The following IL1RAP variants were observed in gnomAD, a reference collection of about 807,000 sequenced individuals.
The protein encoded by IL1RAP is interleukin-1 receptor accessory protein.
A neutral mutation model predicts 60.7 loss-of-function variants in IL1RAP; 35 were observed. The ratio of observed to expected loss-of-function variants is 0.58; its 90% CI spans 0.44 to 0.76. The LOEUF is 0.76. IL1RAP is among the 30% of genes least tolerant of loss of function. IL1RAP has a pLI of 0.00. For missense variants in IL1RAP, 572 were observed against 693.9 expected, an observed-to-expected ratio of 0.82 and a Z score of 1.97; for synonymous variants, 268 against 250.9, an observed-to-expected ratio of 1.07 and a Z score of -0.64.
At chr3:190,604,795 CT>C (rs1730158896) in intron 4 of IL1RAP, among the ~76,000 whole-genome samples, 2 of 152,258 alleles carry the variant, frequency 1.3e-5, no homozygotes, top group Admixed American at 1.3e-4. Context: ...TTCTTGGCAT[CT>C]TTCAAAGTAC....
chr3:190,619,840 A>T, intron 5 of IL1RAP, among the ~76,000 whole-genome samples: 1 of 152,178 alleles, frequency 6.6e-6, no homozygotes, highest in East Asian at 1.9e-4. Context: ...TGGGGCCTAG[A>T]TTATCAGACG....
intron 3 of IL1RAP, among the ~76,000 whole-genome samples, chr3:190,568,139 C>T (rs538768780): frequency 9.8e-5 from 15 of 152,328 alleles, no homozygotes; most frequent in African/African-American, 3.1e-4. Flanking sequence ...AATGCAGGCA[C>T]ACACACGGAT....
In IL1RAP at chr3:190,639,808, G is replaced by T. The variant is rs140193661; in HGVS notation, c.1052-4440G>T. 3.2e-3 allele frequency among the ~76,000 whole-genome samples: 493 copies of T among 152,276 alleles called. 2 individuals are homozygous for T. Among genetic ancestry groups the T allele is most frequent in the African/African-American group, 0.011 (472 of 41,556 alleles). On this transcript the variant is annotated intron_variant, in intron 9 of 11. Coordinates refer to ENST00000447382, the MANE Select transcript of IL1RAP (RefSeq NM_002182.4). ...AAGCATCTTATCTTTGTTAAAGCAG[G>T]TCTAAAATAGCCTTTTCTGTAAGGT...
chr3:190,640,408 C>T (rs186848205), intron 9 of IL1RAP, among the ~76,000 whole-genome samples: 5 of 152,194 alleles, frequency 3.3e-5, no homozygotes, highest in Admixed American at 2.6e-4. Flanking sequence ...TTTTAACACA[C>T]TATAATAGCC....
chr3:190,528,108 C>T (rs1011324950), intron 1 of IL1RAP, among the ~76,000 whole-genome samples: 2 of 152,092 alleles, frequency 1.3e-5, no homozygotes, highest in Non-Finnish European at 2.9e-5. Flanking sequence ...TTATGCAGCA[C>T]AGCTAATTGG....
At chr3:190,522,289 GCTTC>G (rs72459878) in intron 1 of IL1RAP, among the ~76,000 whole-genome samples, 24,061 of 135,208 alleles carry the variant, frequency 0.18, 2,475 homozygotes, top group Middle Eastern at 0.33. Context: ...GCCTTCCTTT[GCTTC>G]CTTCCTTCCT....
At chr3:190,612,245 G>C (rs769283317) in intron 5 of IL1RAP, among the ~76,000 whole-genome samples, 1 of 151,634 alleles carries the variant, frequency 6.6e-6, no homozygotes, top group Non-Finnish European at 1.5e-5. Flanking sequence ...ATTTTTCATG[G>C]TAAAAAACCT....
At chr3:190,563,863 T>A (rs1726127033) in intron 2 of IL1RAP, 1 of 163,578 alleles carries the variant, frequency 6.1e-6, no homozygotes, top group South Asian at 1.6e-4. Context: ...CTGCCAGAAA[T>A]GTAAATCCTG....
At chr3:190,616,093 T>C (rs1731247904) in intron 5 of IL1RAP, among the ~76,000 whole-genome samples, 1 of 152,114 alleles carries the variant, frequency 6.6e-6, no homozygotes, top group Non-Finnish European at 1.5e-5. Context: ...TGACGTAAGG[T>C]TTAGGGCCTC....
intron 2 of IL1RAP, among the ~76,000 whole-genome samples, chr3:190,556,873 G>A (rs1725477712): frequency 6.6e-6 from 1 of 152,184 alleles, no homozygotes; most frequent in African/African-American, 2.4e-5. Flanking sequence ...TTTGCTGAGA[G>A]CAATTTGTGT....
At chr3:190,608,198 C>T (rs1730513119) in intron 4 of IL1RAP, among the ~76,000 whole-genome samples, 1 of 152,118 alleles carries the variant, frequency 6.6e-6, no homozygotes, top group African/African-American at 2.4e-5. Flanking sequence ...GTATGACCAT[C>T]ATAGAGTATA....
rs79044316 is a variant in IL1RAP at position 190,552,705 on chromosome 3, A to C, written c.-88-3425A>C. On this transcript the variant is annotated intron_variant, in intron 1 of 11. Coordinates refer to ENST00000447382, the MANE Select transcript of IL1RAP (RefSeq NM_002182.4). ...TGGATTATTAGCCTCTGAGTGCTTTAATTTTGGGGGTTCCATGAGAAAAAC... is the reference window on the plus strand; with the variant it reads ...TGGATTATTAGCCTCTGAGTGCTTTCATTTTGGGGGTTCCATGAGAAAAAC... Among the ~76,000 whole-genome samples, 7 of 152,262 alleles carry C rather than the reference A, an allele frequency of 4.6e-5. No individual in the cohort carries two copies. In the East Asian group the frequency reaches 1.4e-3, roughly 29 times the overall value.
intron 1 of IL1RAP, among the ~76,000 whole-genome samples, chr3:190,555,239 T>A (rs142193533): frequency 6.6e-6 from 1 of 152,304 alleles, no homozygotes; most frequent in African/African-American, 2.4e-5. Context: ...TAATTTCACC[T>A]AATTCCCTAC....
At chr3:190,591,676 C>T (rs1029715478) in intron 3 of IL1RAP, among the ~76,000 whole-genome samples, 1 of 152,146 alleles carries the variant, frequency 6.6e-6, no homozygotes, top group Non-Finnish European at 1.5e-5. Context: ...TAGCCCCTAG[C>T]ACTCACAGGA....
At chr3:190,634,043 C>T (rs755045276) in intron 9 of IL1RAP, among the ~76,000 whole-genome samples, 6 of 151,734 alleles carry the variant, frequency 4.0e-5, no homozygotes, top group African/African-American at 7.3e-5. Flanking sequence ...TTCAGTTTGC[C>T]GAGAATTTTT....
intron 9 of IL1RAP, among the ~76,000 whole-genome samples, chr3:190,634,733 T>C (rs1483653654): frequency 6.7e-6 from 1 of 148,390 alleles, no homozygotes; most frequent in Admixed American, 6.7e-5. Context: ...TTGTTTTTTT[T>C]GAGAAGGAGT....
chr3:190,557,632 A>T (rs1725536820), intron 2 of IL1RAP, among the ~76,000 whole-genome samples: 1 of 152,174 alleles, frequency 6.6e-6, no homozygotes, highest in Admixed American at 6.5e-5. Context: ...CATTTCTGGA[A>T]TATTCAGTGC....
chr3:190,644,184 G>A (rs187180234), intron 9 of IL1RAP, 64 bp from the exon 10 acceptor site: 44 of 1,546,170 alleles, frequency 2.8e-5, no homozygotes, highest in Middle Eastern at 1.9e-4. Context: ...GCTATTTGCC[G>A]GGATGGTGGG....
chr3:190,517,623 T>C (rs1577481770), intron 1 of IL1RAP, among the ~76,000 whole-genome samples: 1 of 152,348 alleles, frequency 6.6e-6, no homozygotes, highest in East Asian at 1.9e-4. Flanking sequence ...TAGATTTCTC[T>C]TCTTTGTAGC....
Sources: gnomAD v4.1 joint callset for allele counts (sites outside exome capture counted in the v4.1 genomes callset) on GRCh38, gnomAD v4.1.1 for gene constraint, MANE v1.5 for transcripts, NCBI Gene and HGNC (gene_info 2026-07-23, HGNC 2026-07-21) for gene names.